The following LRRC8D variants were observed in gnomAD, a reference collection of about 807,000 sequenced individuals.
LRRC8D encodes the protein volume-regulated anion channel subunit LRRC8D.
A neutral mutation model predicts 55.8 loss-of-function variants in LRRC8D; 20 were observed. The observed-to-expected ratio is 0.36, with a 90% CI of 0.25 to 0.52. The LOEUF is 0.52. LRRC8D is among the 20% of genes least tolerant of loss of function. The pLI, the probability that LRRC8D is intolerant of heterozygous loss-of-function variation, is 0.93. For missense variants in LRRC8D, 651 were observed against 1,030.8 expected (o/e 0.63, Z 5.05); for synonymous variants, 352 against 377.0 (o/e 0.93, Z 0.77).
intron 1 of LRRC8D, among the ~76,000 whole-genome samples, chr1:89,842,074 A>G (rs1289857849): frequency 1.3e-5 from 2 of 151,976 alleles, no homozygotes; most frequent in Non-Finnish European, 2.9e-5. Context: ...TTAGCTGGGC[A>G]TGGTGGCGTG....
At chr1:89,885,571 G>A (rs1226465384) in intron 2 of LRRC8D, among the ~76,000 whole-genome samples, 2 of 152,198 alleles carry the variant, frequency 1.3e-5, no homozygotes, top group Admixed American at 6.5e-5. Context: ...TGAAGAAAGA[G>A]ATTTTAAGTT....
intron 1 of LRRC8D, among the ~76,000 whole-genome samples, chr1:89,837,823 A>G (rs1056056983): frequency 3.3e-5 from 5 of 152,184 alleles, no homozygotes; most frequent in Admixed American, 6.5e-5. Flanking sequence ...AGGAAAGGAG[A>G]TGAAATTTAA....
intron 2 of LRRC8D, among the ~76,000 whole-genome samples, chr1:89,931,907 T>G (rs1404271163): frequency 1.3e-5 from 2 of 152,192 alleles, no homozygotes; most frequent in Non-Finnish European, 1.5e-5. Flanking sequence ...ATGATTTCTT[T>G]CTTTAAAAAA....
At chr1:89,853,063 T>G (rs1288329178) in intron 2 of LRRC8D, among the ~76,000 whole-genome samples, 1 of 152,154 alleles carries the variant, frequency 6.6e-6, no homozygotes, top group South Asian at 2.1e-4. Flanking sequence ...GCTACCATCA[T>G]AATCCAGGCA....
chr1:89,827,515 G>T (rs1392257447), intron 1 of LRRC8D, among the ~76,000 whole-genome samples: 1 of 152,168 alleles, frequency 6.6e-6, no homozygotes, highest in Non-Finnish European at 1.5e-5. Context: ...ATTGCTGCTA[G>T]AATGTAAGCT....
chr1:89,847,002 T>A (rs1382196302), intron 2 of LRRC8D, among the ~76,000 whole-genome samples: 1 of 152,170 alleles, frequency 6.6e-6, no homozygotes, highest in Non-Finnish European at 1.5e-5. Flanking sequence ...ACTCTTTCAT[T>A]CCAGCTCACA....
At chr1:89,865,333 TATATATA>T (rs1557457736) in intron 2 of LRRC8D, among the ~76,000 whole-genome samples, 404 of 37,586 alleles carry the variant, frequency 0.011, 7 homozygotes, top group African/African-American at 0.096. Flanking sequence ...CATGAAATTA[TATATATA>T]TATATATATA....
intron 2 of LRRC8D, among the ~76,000 whole-genome samples, chr1:89,887,435 C>T (rs184604599): frequency 1.1e-3 from 160 of 152,322 alleles, no homozygotes; most frequent in African/African-American, 3.8e-3. Context: ...GAATGACACA[C>T]ATGATCTAAC....
intron 2 of LRRC8D, among the ~76,000 whole-genome samples, chr1:89,908,652 A>T (rs775066055): frequency 6.6e-6 from 1 of 152,190 alleles, no homozygotes; most frequent in Non-Finnish European, 1.5e-5. Flanking sequence ...CAGGTTTTTC[A>T]TTTTATCAAA....
intron 2 of LRRC8D, among the ~76,000 whole-genome samples, chr1:89,896,685 G>A (rs774502937): frequency 3.5e-4 from 53 of 152,220 alleles, no homozygotes; most frequent in Non-Finnish European, 4.6e-4. Flanking sequence ...ACAGAGTCCA[G>A]TCTAAGAGCG....
intron 2 of LRRC8D, among the ~76,000 whole-genome samples, chr1:89,872,098 T>C (rs1662019259): frequency 6.6e-6 from 1 of 152,238 alleles, no homozygotes; most frequent in Admixed American, 6.5e-5. Context: ...ATCACTTTCC[T>C]GAGAGTGTAT....
chr1:89,846,369 A>G (rs1193094543), intron 2 of LRRC8D, among the ~76,000 whole-genome samples: 2 of 149,144 alleles, frequency 1.3e-5, no homozygotes, highest in African/African-American at 2.5e-5. Flanking sequence ...GCTCCTTTCA[A>G]TGATGTAGTG....
At chr1:89,929,544 C>T (rs1663648217) in intron 2 of LRRC8D, among the ~76,000 whole-genome samples, 1 of 152,216 alleles carries the variant, frequency 6.6e-6, no homozygotes, top group African/African-American at 2.4e-5. Context: ...AGTACACTGA[C>T]TTTCAAAATT....
chr1:89,840,229 GCA>G (rs35883578), intron 1 of LRRC8D, among the ~76,000 whole-genome samples: 10 of 151,752 alleles, frequency 6.6e-5, no homozygotes, highest in African/African-American at 2.2e-4. Flanking sequence ...ACGTGCGCAT[GCA>G]CACACACACA....
intron 2 of LRRC8D, among the ~76,000 whole-genome samples, chr1:89,875,054 A>G (rs931510151): frequency 1.3e-5 from 2 of 152,162 alleles, no homozygotes; most frequent in Admixed American, 1.3e-4. Context: ...GGGAATATCT[A>G]TCCCATCCTT....
intron 2 of LRRC8D, among the ~76,000 whole-genome samples, chr1:89,904,944 G>T (rs905643605): frequency 1.3e-5 from 2 of 151,922 alleles, no homozygotes; most frequent in African/African-American, 4.8e-5. Context: ...ATAGTTCTAT[G>T]CACAGCTGAT....
chr1:89,900,243 T>C (rs1224158382), intron 2 of LRRC8D, among the ~76,000 whole-genome samples: 1 of 152,164 alleles, frequency 6.6e-6, no homozygotes, highest in Non-Finnish European at 1.5e-5. Flanking sequence ...GGAAATGCAA[T>C]GGGCAAAAGC....
Position 89,893,769 on chromosome 1 carries a change from T to C in LRRC8D, c.-2-39298T>C, listed in dbSNP as rs202062926. ...TTAAGACCTCTTGATGATTGCAGAC[T>C]TACTCTTTTTTCAGTAGAGCATAGT... On this transcript the variant is annotated intron_variant, in intron 2 of 2. Transcript: ENST00000337338. 2.0e-5 allele frequency among the ~76,000 whole-genome samples: 3 copies of C among 152,216 alleles called. No homozygotes were observed. In the East Asian group the frequency reaches 5.8e-4, roughly 29 times the overall value.
chr1:89,895,246 A>G (rs1273828825), intron 2 of LRRC8D, among the ~76,000 whole-genome samples: 1 of 152,244 alleles, frequency 6.6e-6, no homozygotes, highest in East Asian at 1.9e-4. Flanking sequence ...ATAATATATT[A>G]TGAAGTCTGT....
Sources: allele counts gnomAD v4.1 joint callset (sites outside exome capture counted in the v4.1 genomes callset), GRCh38; gene constraint gnomAD v4.1.1; transcripts MANE v1.5; gene names NCBI Gene and HGNC (gene_info 2026-07-23, HGNC 2026-07-21).